Variants in MPIG6B observed in about 807,000 individuals in gnomAD.
MPIG6B encodes megakaryocyte and platelet inhibitory receptor G6b.
Under a neutral mutation model 24.2 loss-of-function variants are expected in MPIG6B, and 22 were observed. The observed-to-expected ratio is 0.91, with a 90% CI of 0.65 to 1.30. The LOEUF is 1.30. MPIG6B is among the 50% of genes most tolerant of loss of function. The pLI is 0.00. For missense variants in MPIG6B, 301 were observed against 318.5 expected, an observed-to-expected ratio of 0.94 and a Z score of 0.42; for synonymous variants, 136 against 142.0, an observed-to-expected ratio of 0.96 and a Z score of 0.30.
At chr6:31,723,301 C>G, upstream of MPIG6B, 1 of 1,169,198 alleles carries the variant, frequency 8.6e-7, no homozygotes, top group Non-Finnish European at 1.3e-6. The surrounding 1 kb of genome is among the most constrained non-coding windows in gnomAD (Gnocchi z 4.3). Flanking sequence ...CCGTTCTCCC[C>G]ACGCCTAACT....
At chr6:31,722,428 A>G (rs1391859722), upstream of MPIG6B, among the ~76,000 whole-genome samples, 8 of 152,172 alleles carry the variant, frequency 5.3e-5, no homozygotes, top group Non-Finnish European at 1.0e-4. Context: ...GTCCAGCAGC[A>G]GCAATTGTCC....
At chr6:31,724,678 C>A (rs1180798906) in intron 4 of MPIG6B, 51 bp downstream of exon 4, 1 of 1,604,104 alleles carries the variant, frequency 6.2e-7, no homozygotes. Flanking sequence ...CACTCCCCAC[C>A]CCTCAATTCC....
Position 31,723,720 on chromosome 6 carries a change from C to G in MPIG6B, c.143C>G (p.Pro48Arg). The part of the protein sequence containing the change: ...VSHPIRWVWA[P>R]SFPACKGLSK... ...CATCCCATCCGCTGGGTCTGGGCAC[C>G]CAGCTTCCCGGCCTGCAAGGGCCTG... Residue 48 changes from proline to arginine, a missense_variant, in exon 2 of 6, where the codon CCC becomes CGC. Pro to Arg is a moderately radical substitution (Grantham distance 103). Coordinates refer to ENST00000649779, the MANE Select transcript of MPIG6B (RefSeq NM_138272.3). The surrounding 1 kb of genome is among the most constrained non-coding windows in gnomAD (Gnocchi z 4.3). 1 of 1,612,872 alleles carries G rather than the reference C, an allele frequency of 6.2e-7. No homozygotes were observed. Among genetic ancestry groups the G allele is most frequent in the Admixed American group, 1.7e-5 (1 of 59,956 alleles).
upstream of MPIG6B, chr6:31,723,172 C>A: frequency 1.6e-6 from 1 of 611,362 alleles, no homozygotes; most frequent in Non-Finnish European, 2.9e-6. This position sits in a 1 kb window ranked among gnomAD's most constrained non-coding sequence, Gnocchi z 4.3. Context: ...GTAAATGGCC[C>A]GAGCACACAT....
At chr6:31,721,246 G>A (rs1397960985), upstream of MPIG6B, among the ~76,000 whole-genome samples, 1 of 152,156 alleles carries the variant, frequency 6.6e-6, no homozygotes, top group Non-Finnish European at 1.5e-5. Context: ...ACACCTTACT[G>A]AGCACAGCAG....
chr6:31,723,654 G>C lies in MPIG6B; in HGVS notation c.77G>C (p.Arg26Pro), dbSNP rs530611078. 3 of 1,574,530 alleles carry C rather than the reference G, an allele frequency of 1.9e-6. No individual in the cohort carries two copies. In the East Asian group the frequency reaches 6.7e-5, roughly 35 times the overall value. ...QGNPGASLDG[R>P]PGDRVNLSCG... ...CCTCTCCTAGCTTCTCTGGACGGCCGCCCTGGGGACCGGGTGAATCTCTCC... is the reference window on the plus strand; with the variant it reads ...CCTCTCCTAGCTTCTCTGGACGGCCCCCCTGGGGACCGGGTGAATCTCTCC... The change falls in exon 2 of 6, where the codon CGC becomes CCC. Residue 26 changes from arginine (R) to proline (P), a missense_variant. Arg to Pro is a moderately radical substitution (Grantham distance 103). Coordinates refer to ENST00000649779, the MANE Select transcript of MPIG6B (RefSeq NM_138272.3). The surrounding 1 kb of genome is among the most constrained non-coding windows in gnomAD (Gnocchi z 4.3).
chr6:31,724,960 C>T lies in MPIG6B; in HGVS notation c.622-10C>T. 1 of 1,613,326 alleles carries T rather than the reference C, an allele frequency of 6.2e-7. No homozygotes were observed. Reference sequence around the variant, plus strand: ...GAGACCATCTTGTCTTCCTCCCCTTCCTCCTCCAGAGCCTGCTCTATGCGG... The same window carrying T: ...GAGACCATCTTGTCTTCCTCCCCTTTCTCCTCCAGAGCCTGCTCTATGCGG... On this transcript the variant is annotated splice_polypyrimidine_tract_variant and intron_variant, in intron 5 of 5. Transcript: ENST00000649779.
rs374895705 is a variant in MPIG6B, at chr6:31,724,756, C to G, written c.542-9C>G. On this transcript the variant is annotated splice_polypyrimidine_tract_variant and intron_variant, in intron 4 of 5. Coordinates refer to ENST00000649779, the MANE Select transcript of MPIG6B (RefSeq NM_138272.3). ...CTCTCCATCCTTCAGCTCTGTCCCC[C>G]CCACATAGCTCCACTTGTGAAAACC... is the stretch of plus-strand genomic sequence containing the variant. The G allele has an allele frequency of 2.6e-5, 42 of 1,614,070 alleles. 1 individual carries two copies. Among genetic ancestry groups the G allele is most frequent in the Middle Eastern group, 3.3e-4 (2 of 6,062 alleles).
chr6:31,722,215 C>CA, upstream of MPIG6B, among the ~76,000 whole-genome samples: 1 of 152,162 alleles, frequency 6.6e-6, no homozygotes, highest in African/African-American at 2.4e-5. Flanking sequence ...ATTCAGCCCC[C>CA]ACTCGGTCTT....
At chr6:31,722,908 T>A (rs1187386095), upstream of MPIG6B, 1 of 163,888 alleles carries the variant, frequency 6.1e-6, no homozygotes, top group Non-Finnish European at 1.3e-5. Context: ...TACATAGTGA[T>A]CCTATGTATT....
upstream of MPIG6B, chr6:31,723,341 C>T (rs773922351): frequency 2.5e-6 from 4 of 1,584,494 alleles, no homozygotes; most frequent in South Asian, 3.4e-5. The surrounding 1 kb of genome is among the most constrained non-coding windows in gnomAD (Gnocchi z 4.3). Flanking sequence ...ACCGGCCCCA[C>T]GCCGCTGATT....
chr6:31,723,317 C>G (rs1806952015), upstream of MPIG6B: 1 of 1,370,866 alleles, frequency 7.3e-7, no homozygotes, highest in Non-Finnish European at 1.0e-6. This position sits in a 1 kb window ranked among gnomAD's most constrained non-coding sequence, Gnocchi z 4.3. Flanking sequence ...TAACTTCCCT[C>G]CGGTCCCCCC....
upstream of MPIG6B, chr6:31,721,715 C>A (rs1247150568): frequency 6.2e-7 from 1 of 1,610,050 alleles, no homozygotes; most frequent in Non-Finnish European, 8.5e-7. Flanking sequence ...ACCACAGCAG[C>A]TGATAGAGTA....
chr6:31,723,187 A>C (rs1351459523), upstream of MPIG6B: 9 of 626,928 alleles, frequency 1.4e-5, no homozygotes, highest in Non-Finnish European at 2.3e-5. This position sits in a 1 kb window ranked among gnomAD's most constrained non-coding sequence, Gnocchi z 4.3. Context: ...ACACATTTTA[A>C]GTGAGAACCA....
Position 31,724,836 on chromosome 6 carries a change from C to T in MPIG6B, c.613C>T (p.Gln205Ter). ...EEPKIPGDLD[Q>*]EPSLLYADLD... Reference sequence around the variant, plus strand: ...GCCCAAGATTCCAGGGGACCTGGACCAGGAACCGGTAAGGGCATGGGGATG... The same window carrying T: ...GCCCAAGATTCCAGGGGACCTGGACTAGGAACCGGTAAGGGCATGGGGATG... Residue 205 changes from glutamine to a stop codon, truncating the protein, a stop_gained, in exon 5 of 6, where the codon CAG becomes TAG. Transcript: ENST00000649779. LOFTEE classifies it low-confidence loss of function (END_TRUNC). 1 of 1,613,514 alleles carries T rather than the reference C, an allele frequency of 6.2e-7. No homozygotes were observed. Among genetic ancestry groups the T allele is most frequent in the Non-Finnish European group, 8.5e-7 (1 of 1,179,688 alleles).
upstream of MPIG6B, chr6:31,721,974 GC>G (rs1562167368): frequency 2.3e-6 from 1 of 426,288 alleles, no homozygotes; most frequent in Non-Finnish European, 4.2e-6. Context: ...AGGCCAAGAT[GC>G]CCTTCCTGGT....
Position 31,726,594 on chromosome 6 carries a change from C to T in MPIG6B, c.*1520C>T, listed in dbSNP as rs1392564239. On this transcript the variant is annotated 3_prime_UTR_variant, in exon 6 of 6. Transcript: ENST00000649779. The surrounding 1 kb of genome is among the most constrained non-coding windows in gnomAD (Gnocchi z 5.1). ...TAGAAACAGCCTTCTGTAAATTGTT[C>T]CATGACAACCTGTATTTCAATTTGT... The T allele has an allele frequency of 6.6e-6, 1 of 152,246 alleles. No homozygotes were observed. The highest frequency in any genetic ancestry group is 1.5e-5 in the Non-Finnish European group (1 of 68,074). The allele number at this position is 152,246 out of a possible 1,614,324, so 9.4% of individuals were successfully genotyped here. A position where few individuals can be genotyped will look rare whatever the true frequency, so the allele number is the denominator to read the frequency against.
chr6:31,721,658 T>C, upstream of MPIG6B: 1 of 1,613,776 alleles, frequency 6.2e-7, no homozygotes, highest in East Asian at 2.2e-5. Context: ...ACAGACAGGG[T>C]GAGCAGCATA....
At chr6:31,723,071 C>T (rs1033970689), upstream of MPIG6B, 2 of 467,224 alleles carry the variant, frequency 4.3e-6, no homozygotes, top group African/African-American at 2.0e-5. This position sits in a 1 kb window ranked among gnomAD's most constrained non-coding sequence, Gnocchi z 4.3. Context: ...CAACCTCGAC[C>T]TCCTGAGCTC....
Sources: gnomAD v4.1 joint callset for allele counts (sites outside exome capture counted in the v4.1 genomes callset) on GRCh38, gnomAD v4.1.1 for gene constraint, Gnocchi (gnomAD v3.1) non-coding constraint, MANE v1.5 for transcripts, NCBI Gene and HGNC (gene_info 2026-07-23, HGNC 2026-07-21) for gene names.